The following PRKG1 variants were observed in gnomAD, a reference collection of about 807,000 sequenced individuals.
PRKG1 encodes protein kinase cGMP-dependent 1.
Under a neutral mutation model 88.1 loss-of-function variants are expected in PRKG1, and 35 were observed. That is an observed-to-expected ratio of 0.40 (90% CI 0.30 to 0.53). The LOEUF is 0.53. Among genes scored for constraint, PRKG1 ranks in the 20% least tolerant of loss-of-function variants. The pLI is 0.59. For missense variants in PRKG1, 540 were observed against 839.8 expected, an observed-to-expected ratio of 0.64 and a Z score of 4.41; for synonymous variants, 303 against 292.5, an observed-to-expected ratio of 1.04 and a Z score of -0.37.
intron 4 of PRKG1, among the ~76,000 whole-genome samples, chr10:51,848,289 CAT>C (rs1840456198): frequency 6.6e-6 from 1 of 152,106 alleles, no homozygotes; most frequent in Non-Finnish European, 1.5e-5. Context: ...TTGGTATAAA[CAT>C]ATTTTTAGAT....
chr10:51,421,865 C>T (rs1329055918), intron 2 of PRKG1, among the ~76,000 whole-genome samples: 1 of 152,152 alleles, frequency 6.6e-6, no homozygotes. Context: ...CCTGTTTCTG[C>T]TACTTACTGC....
intron 3 of PRKG1, chr10:51,696,012 TA>T (rs1181737683): frequency 6.6e-6 from 1 of 152,132 alleles, no homozygotes; most frequent in African/African-American, 2.4e-5. Flanking sequence ...CAAGAAAAAA[TA>T]AAGTCGTAGT....
chr10:51,155,288 T>C (rs561098678), intron 2 of PRKG1, among the ~76,000 whole-genome samples: 1 of 152,224 alleles, frequency 6.6e-6, no homozygotes, highest in East Asian at 1.9e-4. Flanking sequence ...CTAGCTATAT[T>C]GGAAGAAGCT....
intron 7 of PRKG1, among the ~76,000 whole-genome samples, chr10:52,089,012 CA>C (rs1287642556): frequency 6.6e-6 from 1 of 152,096 alleles, no homozygotes; most frequent in Non-Finnish European, 1.5e-5. Flanking sequence ...AAATGTTATA[CA>C]ATGAACACGT....
chr10:51,512,604 T>G (rs1841451544), intron 3 of PRKG1, among the ~76,000 whole-genome samples: 1 of 81,576 alleles, frequency 1.2e-5, no homozygotes, highest in Non-Finnish European at 2.4e-5. Flanking sequence ...TTGTTGGACA[T>G]TTGGGTTGGT....
chr10:52,136,232 G>C (rs1837415502), intron 8 of PRKG1, among the ~76,000 whole-genome samples: 1 of 152,052 alleles, frequency 6.6e-6, no homozygotes, highest in Non-Finnish European at 1.5e-5. Flanking sequence ...AAATACTAAA[G>C]GGGATATTTG....
chr10:51,050,312 C>A (rs1024649102), intron 1 of PRKG1, among the ~76,000 whole-genome samples: 5 of 151,880 alleles, frequency 3.3e-5, no homozygotes, highest in Non-Finnish European at 5.9e-5. Context: ...TTGACTAATA[C>A]CTTCCTGTTT....
intron 2 of PRKG1, among the ~76,000 whole-genome samples, chr10:51,204,782 T>C (rs1325955021): frequency 6.6e-6 from 1 of 152,170 alleles, no homozygotes; most frequent in Non-Finnish European, 1.5e-5. Context: ...CATAGTGAGA[T>C]GTGAATGTGC....
At chr10:52,000,560 C>A (rs1040535508) in intron 5 of PRKG1, among the ~76,000 whole-genome samples, 1 of 151,940 alleles carries the variant, frequency 6.6e-6, no homozygotes, top group Non-Finnish European at 1.5e-5. Context: ...AGTTAGAGTT[C>A]TTTTGGGTAA....
intron 2 of PRKG1, among the ~76,000 whole-genome samples, chr10:51,441,155 T>C (rs150865211): frequency 1.3e-5 from 2 of 152,052 alleles, no homozygotes; most frequent in East Asian, 3.9e-4. Flanking sequence ...ATGGTGACCA[T>C]GATGGGCAGT....
At chr10:51,386,090 A>G (rs995219108) in intron 2 of PRKG1, among the ~76,000 whole-genome samples, 14 of 152,222 alleles carry the variant, frequency 9.2e-5, no homozygotes, top group African/African-American at 3.4e-4. Flanking sequence ...CTTGAAAATT[A>G]TATGGTGTAA....
chr10:51,273,133 C>A (rs1840024214), intron 2 of PRKG1, among the ~76,000 whole-genome samples: 1 of 152,116 alleles, frequency 6.6e-6, no homozygotes, highest in African/African-American at 2.4e-5. Flanking sequence ...ATTAAGAGTT[C>A]ACATTTGATG....
chr10:52,035,395 G>C (rs976490314), intron 5 of PRKG1, among the ~76,000 whole-genome samples: 33 of 152,140 alleles, frequency 2.2e-4, no homozygotes, highest in African/African-American at 7.0e-4. Flanking sequence ...TTTCCTTGAG[G>C]ATCGATTTCC....
At chr10:51,160,874 T>TTGTGTG (rs781290669) in intron 2 of PRKG1, among the ~76,000 whole-genome samples, 1 of 100,254 alleles carries the variant, frequency 1.0e-5, no homozygotes, top group Non-Finnish European at 2.0e-5. Context: ...TTCTTCATGC[T>TTGTGTG]CGTGTGTGTG....
In PRKG1 at chr10:52,274,134, T is replaced by A. The variant is rs888851335; in HGVS notation, c.1403+1653T>A. Among the ~76,000 whole-genome samples, 13 of 151,914 alleles carry A rather than the reference T, an allele frequency of 8.6e-5. No homozygotes were observed. The East Asian group carries it at 1.9e-3, about 23-fold the overall frequency. On this transcript the variant is annotated intron_variant, in intron 12 of 17. Coordinates refer to ENST00000373980, the MANE Select transcript of PRKG1 (RefSeq NM_006258.4). ...TCCCTCTTATAGCTTATTATTTTTT[T>A]ATTTTTTCATAAGTTATTGGGGTAC...
intron 5 of PRKG1, among the ~76,000 whole-genome samples, chr10:52,037,633 T>C (rs1845651521): frequency 1.3e-5 from 2 of 152,250 alleles, no homozygotes; most frequent in South Asian, 4.1e-4. Flanking sequence ...GCATTAAAGT[T>C]GACTATGCCT....
chr10:51,008,465 G>A (rs1471811772), intron 1 of PRKG1, among the ~76,000 whole-genome samples: 1 of 152,152 alleles, frequency 6.6e-6, no homozygotes, highest in Non-Finnish European at 1.5e-5. Context: ...AAAACCCTAG[G>A]AGAGGAGCTT....
chr10:51,059,392 T>C (rs1425586839), intron 1 of PRKG1, among the ~76,000 whole-genome samples: 1 of 152,090 alleles, frequency 6.6e-6, no homozygotes, highest in Non-Finnish European at 1.5e-5. Context: ...ATTTATTCAT[T>C]TATTCATTTA....
At chr10:52,065,276 C>A (rs1022850056) in intron 7 of PRKG1, among the ~76,000 whole-genome samples, 2 of 152,142 alleles carry the variant, frequency 1.3e-5, no homozygotes, top group Non-Finnish European at 2.9e-5. Context: ...GAATAAGCAA[C>A]AACCAATAAA....
Sources: gnomAD v4.1 joint callset for allele counts (sites outside exome capture counted in the v4.1 genomes callset) on GRCh38, gnomAD v4.1.1 for gene constraint, MANE v1.5 for transcripts, NCBI Gene and HGNC (gene_info 2026-07-23, HGNC 2026-07-21) for gene names.